The following RTL9 variants were observed in gnomAD, a reference collection of about 807,000 sequenced individuals.
The protein encoded by RTL9 is retrotransposon Gag-like protein 9.
Under a neutral mutation model 44.7 loss-of-function variants are expected in RTL9, and 19 were observed. That is an observed-to-expected ratio of 0.42 (90% CI 0.30 to 0.62). The LOEUF (loss-of-function observed/expected upper bound fraction) is 0.62. RTL9 is among the 20% of genes least tolerant of loss of function. The pLI, the probability that RTL9 is intolerant of heterozygous loss-of-function variation, is 0.16. For synonymous variants in RTL9, 407 were observed against 398.9 expected (o/e 1.02, Z -0.24); for missense variants, 1,105 against 1,080.6 (o/e 1.02, Z -0.32).
intron 1 of RTL9, among the ~76,000 whole-genome samples, chrX:110,444,235 C>T (rs554377655): frequency 2.7e-5 from 3 of 112,884 alleles, no homozygotes; most frequent in Non-Finnish European, 3.7e-5. Context: ...GGCTTGAATC[C>T]GCACTTGGCA....
At chrX:110,453,727 C>A in exon 1 of RTL9, 1 of 1,211,697 alleles carries the variant, frequency 8.3e-7, no homozygotes, top group Non-Finnish European at 1.1e-6. Context: ...GCCTCAGTTT[C>A]TGGATCGATG....
chrX:110,455,554 A>T, exon 2 of RTL9: 1 of 322,144 alleles, frequency 3.1e-6, no homozygotes. Flanking sequence ...TGTATGGTGT[A>T]TGAGGTTCTG....
chrX:110,440,386 A>G (rs1045263654), intron 1 of RTL9, among the ~76,000 whole-genome samples: 3 of 112,318 alleles, frequency 2.7e-5, no homozygotes, highest in Non-Finnish European at 3.8e-5. Context: ...AACCTGAGAA[A>G]GAATTGCTGA....
intron 1 of RTL9, among the ~76,000 whole-genome samples, chrX:110,395,425 C>T (rs972883823): frequency 2.7e-5 from 3 of 111,612 alleles, no homozygotes; most frequent in East Asian, 5.6e-4. Context: ...GAGGGCATAC[C>T]GCCTACCTGG....
chrX:110,440,659 G>A (rs1029735016), intron 1 of RTL9, among the ~76,000 whole-genome samples: 2 of 112,455 alleles, frequency 1.8e-5, no homozygotes, highest in East Asian at 2.8e-4. Flanking sequence ...CCTGTTTTCT[G>A]CATTTCAAAC....
In RTL9 at chrX:110,452,270, G is replaced by A. The variant is rs2068947914; in HGVS notation, c.1653G>A (p.Met551Ile). 3 of 1,209,785 alleles carry A rather than the reference G, an allele frequency of 2.5e-6. No homozygotes were observed. The African/African-American group carries it at 5.3e-5, about 21-fold the overall frequency. ...CCCCTGTCTCTGAAGCAATGTCCATGCCACAAATGAGAACCATGGCCTCAG... is the reference window on the plus strand; with the variant it reads ...CCCCTGTCTCTGAAGCAATGTCCATACCACAAATGAGAACCATGGCCTCAG... Residue 551 changes from methionine to isoleucine, a missense_variant, in exon 1 of 2, where the codon ATG becomes ATA. Coordinates refer to ENST00000540313, the Ensembl canonical transcript of RTL9.
At position 110,421,323 on chromosome X, in the gene RTL9, G is replaced by A. The variant is rs745466031; in HGVS notation, c.-168+2188G>A. ...CTTGTGGGAGTTGTACACCCTAGTG[G>A]CAGGATGCTGCCATACAGTGTCATT... On this transcript the variant is annotated intron_variant, in intron 1 of 3. Coordinates refer to the RTL9 transcript ENST00000465301. Among the ~76,000 whole-genome samples the A allele has an allele frequency of 2.7e-5, 3 of 112,714 alleles. No homozygotes were observed. The East Asian group carries it at 8.4e-4, about 31-fold the overall frequency.
chrX:110,361,261 A>T (rs2068261772), intron 1 of RTL9, among the ~76,000 whole-genome samples: 1 of 111,391 alleles, frequency 9.0e-6, no homozygotes, highest in Admixed American at 9.6e-5. Flanking sequence ...CATTTATTTG[A>T]TCAGCAAATC....
intron 1 of RTL9, among the ~76,000 whole-genome samples, chrX:110,370,543 C>G (rs988836224): frequency 8.9e-6 from 1 of 112,479 alleles, no homozygotes; most frequent in African/African-American, 3.2e-5. Flanking sequence ...TTTGGTTAGC[C>G]TGAGGAAACT....
chrX:110,431,762 A>C (rs1233571354), intron 1 of RTL9, among the ~76,000 whole-genome samples: 3 of 111,672 alleles, frequency 2.7e-5, no homozygotes, highest in African/African-American at 9.8e-5. Context: ...ACCAGGACTC[A>C]CTGCTAGAAA....
intron 1 of RTL9, among the ~76,000 whole-genome samples, chrX:110,386,913 C>A (rs2068459570): frequency 8.9e-6 from 1 of 112,110 alleles, no homozygotes. Flanking sequence ...ATAATTATAA[C>A]ATGTTTAAAT....
chrX:110,383,704 C>A (rs1369810101), intron 1 of RTL9, among the ~76,000 whole-genome samples: 1 of 111,902 alleles, frequency 8.9e-6, no homozygotes, highest in African/African-American at 3.2e-5. Flanking sequence ...CCTTTAAGAC[C>A]CTGCTCAACT....
intron 1 of RTL9, among the ~76,000 whole-genome samples, chrX:110,377,542 G>T (rs1167974558): frequency 8.9e-6 from 1 of 111,816 alleles, no homozygotes; most frequent in Non-Finnish European, 1.9e-5. Flanking sequence ...GAACTATTAT[G>T]TACTATTCCC....
rs989545178 is a variant in RTL9 at position 110,409,833 on chromosome X, T to C, written c.-167-35320T>C. ...GGCAGCACCTCACTTAGAGATATGG[T>C]ACATAAGTACAGAGGGAGGTATTGA... On this transcript the variant is annotated intron_variant, in intron 1 of 2. Transcript: ENST00000520821. Among the ~76,000 whole-genome samples, 7 of 111,293 alleles carry C rather than the reference T, an allele frequency of 6.3e-5. No homozygotes were observed. In the South Asian group the frequency reaches 2.7e-3, roughly 42 times the overall value.
At chrX:110,404,921 G>A (rs142973955) in intron 1 of RTL9, among the ~76,000 whole-genome samples, 2,511 of 111,639 alleles carry the variant, frequency 0.022, 69 homozygotes, top group African/African-American at 0.078. Flanking sequence ...TAGCATTTTC[G>A]GAAGCAAATT....
upstream of RTL9, among the ~76,000 whole-genome samples, chrX:110,449,168 A>G (rs1015447209): frequency 9.1e-5 from 10 of 109,976 alleles, no homozygotes; most frequent in Non-Finnish European, 1.9e-4. Flanking sequence ...AACTGGATGG[A>G]CCCAGGAATC....
upstream of RTL9, among the ~76,000 whole-genome samples, chrX:110,416,366 C>T (rs756086778): frequency 3.6e-4 from 40 of 112,129 alleles, no homozygotes; most frequent in African/African-American, 1.2e-3. Flanking sequence ...TTTACCATGT[C>T]CCGGGCACAT....
At chrX:110,437,362 C>T (rs2068846461) in intron 1 of RTL9, among the ~76,000 whole-genome samples, 1 of 112,262 alleles carries the variant, frequency 8.9e-6, no homozygotes, top group Non-Finnish European at 1.9e-5. Context: ...CTGTACTGGG[C>T]TGTACATGCA....
At chrX:110,424,392 T>A (rs765599908) in intron 1 of RTL9, among the ~76,000 whole-genome samples, 1 of 111,817 alleles carries the variant, frequency 8.9e-6, no homozygotes, top group East Asian at 2.8e-4. Flanking sequence ...TTTCCAGCAC[T>A]CCTAGGTGCT....
Sources: gnomAD v4.1 joint callset for allele counts (sites outside exome capture counted in the v4.1 genomes callset) on GRCh38, gnomAD v4.1.1 for gene constraint, MANE v1.5 for transcripts, NCBI Gene and HGNC (gene_info 2026-07-23, HGNC 2026-07-21) for gene names.